DGKI: variants seen among roughly 807,000 people sequenced by gnomAD.
DGKI encodes the protein DAG kinase iota.
DGKI carries 55 observed loss-of-function variants against 147.5 expected under a neutral mutation model. That is an observed-to-expected ratio of 0.37 (90% CI 0.30 to 0.47). The LOEUF is 0.47. Among genes scored for constraint, DGKI ranks in the 20% least tolerant of loss-of-function variants. The probability of loss-of-function intolerance (pLI) is 1.00; values close to 1 mark genes in which losing one functional copy is unlikely to be tolerated. For synonymous variants in DGKI, 469 were observed against 477.1 expected (o/e 0.98, Z 0.22); for missense variants, 1,007 against 1,323.8 (o/e 0.76, Z 3.71).
At chr7:137,582,537 AAAC>A (rs926940338) in intron 14 of DGKI, among the ~76,000 whole-genome samples, 2 of 152,080 alleles carry the variant, frequency 1.3e-5, no homozygotes, top group African/African-American at 4.8e-5. Context: ...CTAGAGAGAA[AAAC>A]AACAACAAAA....
At chr7:137,427,253 A>G (rs1275449426) in intron 28 of DGKI, among the ~76,000 whole-genome samples, 2 of 152,206 alleles carry the variant, frequency 1.3e-5, no homozygotes, top group Non-Finnish European at 2.9e-5. Context: ...AACTCACTCA[A>G]AACCACTCAA....
chr7:137,496,800 A>G (rs530591183), intron 21 of DGKI, among the ~76,000 whole-genome samples: 1 of 152,298 alleles, frequency 6.6e-6, no homozygotes, highest in South Asian at 2.1e-4. Flanking sequence ...AATCATCTCA[A>G]TATGGATTAA....
intron 4 of DGKI, among the ~76,000 whole-genome samples, chr7:137,656,082 G>C (rs1822209755): frequency 6.6e-6 from 1 of 152,216 alleles, no homozygotes; most frequent in African/African-American, 2.4e-5. Context: ...ACACAAGTCA[G>C]ATATATGTGA....
At chr7:137,844,171 G>T (rs1324165529) in intron 1 of DGKI, among the ~76,000 whole-genome samples, 1 of 152,180 alleles carries the variant, frequency 6.6e-6, no homozygotes, top group Non-Finnish European at 1.5e-5. Context: ...ACCAATGGCC[G>T]CCATGACGAG....
intron 27 of DGKI, among the ~76,000 whole-genome samples, chr7:137,450,521 C>T (rs1813911387): frequency 6.6e-6 from 1 of 152,062 alleles, no homozygotes; most frequent in South Asian, 2.1e-4. Context: ...GAGTTTGACA[C>T]CAGCCTGGCC....
chr7:137,526,041 G>A (rs923667607), intron 20 of DGKI, among the ~76,000 whole-genome samples: 1 of 152,106 alleles, frequency 6.6e-6, no homozygotes, highest in Non-Finnish European at 1.5e-5. Context: ...TTAAATGAAA[G>A]CCAAGTAATT....
intron 1 of DGKI, among the ~76,000 whole-genome samples, chr7:137,759,306 T>G (rs1795783727): frequency 6.6e-6 from 1 of 152,144 alleles, no homozygotes. Context: ...TGACATAATT[T>G]CATTATTTTC....
intron 8 of DGKI, 95 bp from the exon 9 acceptor site, chr7:137,609,704 G>C: frequency 1.2e-6 from 1 of 803,072 alleles, no homozygotes; most frequent in South Asian, 1.5e-5. Context: ...AGCGCATGCT[G>C]TTCCACTGCA....
intron 1 of DGKI, among the ~76,000 whole-genome samples, chr7:137,805,863 T>C (rs781084253): frequency 1.3e-5 from 2 of 152,222 alleles, no homozygotes; most frequent in African/African-American, 4.8e-5. Flanking sequence ...TGAAGGAACT[T>C]ATTTGACTTC....
At chr7:137,515,751 C>T (rs1011525074) in intron 21 of DGKI, among the ~76,000 whole-genome samples, 4 of 151,946 alleles carry the variant, frequency 2.6e-5, no homozygotes, top group African/African-American at 4.8e-5. Context: ...ACTGAGATGT[C>T]GGGTGAGTTA....
chr7:137,533,280 C>T (rs1025690215), intron 20 of DGKI, among the ~76,000 whole-genome samples: 13 of 151,646 alleles, frequency 8.6e-5, no homozygotes, highest in East Asian at 3.9e-4. Context: ...AGAGTGAGAC[C>T]CTGTCTCAGA....
chr7:137,620,173 C>T (rs1353460761), intron 7 of DGKI, among the ~76,000 whole-genome samples: 1 of 152,096 alleles, frequency 6.6e-6, no homozygotes, highest in Non-Finnish European at 1.5e-5. Context: ...AGAGACCAGA[C>T]TTCAGATTTA....
chr7:137,612,563 T>G (rs2128993977), intron 8 of DGKI, among the ~76,000 whole-genome samples: 2 of 152,276 alleles, frequency 1.3e-5, no homozygotes, highest in Middle Eastern at 6.8e-3. Context: ...AAGGCAGATT[T>G]TGTATATGTT....
chr7:137,585,092 T>C (rs1428954490), intron 14 of DGKI, 117 bp downstream of exon 14: 1 of 1,217,826 alleles, frequency 8.2e-7, no homozygotes, highest in African/African-American at 1.5e-5. Context: ...AACTCAAATA[T>C]TATCACATTA....
chr7:137,514,242 A>T lies in DGKI; in HGVS notation c.2248+7624T>A, dbSNP rs186412293. 1.5e-4 allele frequency among the ~76,000 whole-genome samples: 23 copies of T among 152,290 alleles called. No individual in the cohort carries two copies. In the East Asian group the frequency reaches 1.9e-3, roughly 13 times the overall value. On this transcript the variant is annotated intron_variant, in intron 21 of 32. Coordinates refer to ENST00000614521, the MANE Select transcript of DGKI (RefSeq NM_001321708.2). The stretch of plus-strand genomic sequence containing the variant: ...CCGCGGTTTTAGCTGAAGAATTAAA[A>T]AAAATAAAATAAAATAAAATCTTAT...
At chr7:137,736,822 T>C (rs1005372644) in intron 1 of DGKI, among the ~76,000 whole-genome samples, 1 of 152,102 alleles carries the variant, frequency 6.6e-6, no homozygotes, top group Non-Finnish European at 1.5e-5. Context: ...CCCTCAACAT[T>C]AGATACAGAA....
chr7:137,506,482 G>A (rs1816372267), intron 21 of DGKI, among the ~76,000 whole-genome samples: 1 of 152,084 alleles, frequency 6.6e-6, no homozygotes, highest in Admixed American at 6.6e-5. Context: ...CATAACACAA[G>A]GTATTCCTTG....
In DGKI at chr7:137,538,394, C is replaced by T. The variant is rs114432770; in HGVS notation, c.2147+13975G>A. On this transcript the variant is annotated intron_variant, in intron 20 of 32. Coordinates refer to ENST00000614521, the MANE Select transcript of DGKI (RefSeq NM_001321708.2). Reference sequence around the variant, plus strand: ...ATTTATCACAAGGAATTTTGGAATGCTGAGTCATATTCAGTGGTCAAATAT... The same window carrying T: ...ATTTATCACAAGGAATTTTGGAATGTTGAGTCATATTCAGTGGTCAAATAT... Among the ~76,000 whole-genome samples the T allele has an allele frequency of 5.9e-3, 895 of 152,272 alleles. 6 individuals carry two copies. The highest frequency in any genetic ancestry group is 0.021 in the African/African-American group (857 of 41,548).
chr7:137,432,990 C>T (rs890153286), intron 28 of DGKI, among the ~76,000 whole-genome samples: 36 of 152,104 alleles, frequency 2.4e-4, no homozygotes, highest in African/African-American at 8.7e-4. Flanking sequence ...GTTGTGCTTG[C>T]TTGGGAATGG....
Sources: gnomAD v4.1 joint callset for allele counts (sites outside exome capture counted in the v4.1 genomes callset) on GRCh38, gnomAD v4.1.1 for gene constraint, MANE v1.5 for transcripts, NCBI Gene and HGNC (gene_info 2026-07-23, HGNC 2026-07-21) for gene names.